THBS3: variants seen among roughly 807,000 people sequenced by gnomAD.
THBS3 encodes thrombospondin-3.
In THBS3, 78 loss-of-function variants were observed where a neutral mutation model predicts 118.3. The observed-to-expected ratio is 0.66, with a 90% CI of 0.55 to 0.80. The LOEUF is 0.80. Ranked by LOEUF, THBS3 falls within the 30% of genes least tolerant of loss-of-function variation. The probability of loss-of-function intolerance (pLI) is 0.00; values close to 1 mark genes in which losing one functional copy is unlikely to be tolerated. For missense variants in THBS3, 1,057 were observed against 1,247.4 expected (o/e 0.85, Z 2.30); for synonymous variants, 427 against 475.3 (o/e 0.90, Z 1.32).
intron 21 of THBS3, 174 bp from the exon 22 acceptor site, chr1:155,196,300 C>T: frequency 1.3e-6 from 1 of 755,042 alleles, no homozygotes; most frequent in Non-Finnish European, 2.1e-6. Flanking sequence ...GTGCTTTTCT[C>T]AGGCCTGGGG....
chr1:155,197,299 G>A lies in THBS3; in HGVS notation c.2500-86C>T. ...GGTCGGTAAGTGCAGGTGGGAAAGGGATTCAAGGCGGTCATGAAAATGCCC... is the reference window on the plus strand; with the variant it reads ...GGTCGGTAAGTGCAGGTGGGAAAGGAATTCAAGGCGGTCATGAAAATGCCC... On this transcript the variant is annotated intron_variant, in intron 20 of 22. Coordinates refer to ENST00000368378, the MANE Select transcript of THBS3 (RefSeq NM_007112.5). This position sits in a 1 kb window ranked among gnomAD's most constrained non-coding sequence, Gnocchi z 5.0. 6.4e-7 allele frequency: 1 copy of A among 1,555,140 alleles called. No homozygotes were observed. The highest frequency in any genetic ancestry group is 2.3e-5 in the East Asian group (1 of 44,272).
At chr1:155,200,412 A>G in intron 14 of THBS3, 39 bp downstream of exon 14, 1 of 1,600,934 alleles carries the variant, frequency 6.2e-7, no homozygotes, top group Non-Finnish European at 8.5e-7. Flanking sequence ...CCAAATTCTC[A>G]CAGGTCCCCC....
upstream of THBS3, chr1:155,208,879 C>T (rs1394744077): frequency 6.2e-7 from 1 of 1,611,706 alleles, no homozygotes; most frequent in Non-Finnish European, 8.5e-7. Flanking sequence ...GTACAGGCCA[C>T]GTGCAGTTTG....
intron 16 of THBS3, 125 bp downstream of exon 16, chr1:155,199,679 T>C (rs558731517): frequency 1.3e-5 from 12 of 938,260 alleles, no homozygotes; most frequent in East Asian, 2.5e-5. Flanking sequence ...CACTTGACCC[T>C]GGGAGACGGA....
chr1:155,197,305 A>G lies in THBS3; in HGVS notation c.2500-92T>C, dbSNP rs552795688. ...TAAGTGCAGGTGGGAAAGGGATTCA[A>G]GGCGGTCATGAAAATGCCCTGGGGC... is the stretch of plus-strand genomic sequence containing the variant. On this transcript the variant is annotated intron_variant, in intron 20 of 22. Coordinates refer to ENST00000368378, the MANE Select transcript of THBS3 (RefSeq NM_007112.5). The surrounding 1 kb of genome is among the most constrained non-coding windows in gnomAD (Gnocchi z 5.0). The G allele has an allele frequency of 6.4e-7, 1 of 1,551,560 alleles. No individual in the cohort carries two copies. Among genetic ancestry groups the G allele is most frequent in the African/African-American group, 1.4e-5 (1 of 73,802 alleles).
intron 21 of THBS3, 129 bp downstream of exon 21, chr1:155,196,911 GT>G (rs1191826436): frequency 2.4e-6 from 2 of 833,946 alleles, no homozygotes; most frequent in Admixed American, 2.6e-5. Context: ...GCTTGTGTCC[GT>G]GGTGAGAAGG....
intron 17 of THBS3, 84 bp from the exon 18 acceptor site, chr1:155,198,304 G>A: frequency 1.3e-6 from 2 of 1,589,120 alleles, no homozygotes; most frequent in South Asian, 2.3e-5. Flanking sequence ...CTGCATTCCT[G>A]ACATCTTTCC....
chr1:155,203,898 C>T (rs565666095), intron 4 of THBS3, among the ~76,000 whole-genome samples: 20 of 151,398 alleles, frequency 1.3e-4, no homozygotes, highest in East Asian at 3.9e-4. Flanking sequence ...AATGCAGTGG[C>T]GTGATCTCTG....
intron 4 of THBS3, among the ~76,000 whole-genome samples, chr1:155,203,765 A>T (rs2148000435): frequency 6.6e-6 from 1 of 152,280 alleles, no homozygotes; most frequent in South Asian, 2.1e-4. Flanking sequence ...TTAGAACCCA[A>T]ATCCTCCTGG....
chr1:155,202,544 C>T lies in THBS3; in HGVS notation c.958-143G>A, dbSNP rs750358175. The T allele has an allele frequency of 7.8e-7, 1 of 1,274,612 alleles. No individual in the cohort carries two copies. Among genetic ancestry groups the T allele is most frequent in the Non-Finnish European group, 1.1e-6 (1 of 944,394 alleles). 79.0% of individuals were successfully genotyped at this position (1,274,612 alleles called of 1,614,324 possible). A position where few individuals can be genotyped will look rare whatever the true frequency, so the allele number is the denominator to read the frequency against. ...TGCCTTGTGCTCCTGGTCCCCACCC[C>T]ACTTCCCTCGGGGTTCCCTCTCTCC... On this transcript the variant is annotated intron_variant, in intron 8 of 22. Coordinates refer to ENST00000368378, the MANE Select transcript of THBS3 (RefSeq NM_007112.5). This position sits in a 1 kb window ranked among gnomAD's most constrained non-coding sequence, Gnocchi z 5.5.
intron 2 of THBS3, chr1:155,205,535 T>C (rs961525381): frequency 1.7e-6 from 1 of 596,906 alleles, no homozygotes; most frequent in South Asian, 2.2e-5. Context: ...CCCAGCACTT[T>C]AGAAGGCCAA....
rs761112548 is a variant in THBS3 at position 155,205,107 on chromosome 1, C to T, written c.496G>A (p.Asp166Asn). ...ALAPIPPAEV[D>N]GLEIRTGQKA... The stretch of plus-strand genomic sequence containing the variant: ...TGTCCAGTCCTAATCTCCAGCCCAT[C>T]GACCTCCGCTGGAGGAATGGGGGCC... Residue 166 changes from aspartate to asparagine, a missense_variant, in exon 3 of 23, where the codon GAT (aspartate) becomes AAT (asparagine). Transcript: ENST00000368378. 1.7e-5 allele frequency: 28 copies of T among 1,614,126 alleles called. No individual in the cohort carries two copies. Among genetic ancestry groups the T allele is most frequent in the Middle Eastern group, 1.6e-4 (1 of 6,062 alleles).
chr1:155,201,764 A>G (rs576566489), intron 10 of THBS3, 193 bp downstream of exon 10: 1 of 1,018,150 alleles, frequency 9.8e-7, no homozygotes, highest in African/African-American at 1.6e-5. Context: ...TGAGGCTCAG[A>G]AAAGTTAAAT....
chr1:155,199,599 C>G (rs1183554268), intron 16 of THBS3, among the ~76,000 whole-genome samples: 1 of 151,972 alleles, frequency 6.6e-6, no homozygotes, highest in African/African-American at 2.4e-5. Flanking sequence ...ACTGAAAATA[C>G]AAGAATTAGC....
intron 13 of THBS3, 84 bp downstream of exon 13, chr1:155,200,813 A>C: frequency 1.2e-6 from 2 of 1,609,994 alleles, no homozygotes; most frequent in Non-Finnish European, 1.7e-6. Flanking sequence ...CTTACTAGAG[A>C]GCTGCCAGAT....
At position 155,197,012 on chromosome 1, in the gene THBS3, C is replaced by G. The variant is rs754995684; in HGVS notation, c.2672+29G>C. Reference sequence around the variant, plus strand: ...AGGAAGGACAGGCCCGGCCTGAGTCCCACAGGTGGGCTCAGCCCCTCTCCT... The same window carrying G: ...AGGAAGGACAGGCCCGGCCTGAGTCGCACAGGTGGGCTCAGCCCCTCTCCT... On this transcript the variant is annotated intron_variant, in intron 21 of 22. Transcript: ENST00000368378. The surrounding 1 kb of genome is among the most constrained non-coding windows in gnomAD (Gnocchi z 5.0). 1.2e-6 allele frequency: 2 copies of G among 1,604,626 alleles called. No individual in the cohort carries two copies. The highest frequency in any genetic ancestry group is 1.7e-6 in the Non-Finnish European group (2 of 1,172,754).
Position 155,196,210 on chromosome 1 carries a change from TC to T in THBS3, c.2673-85del, listed in dbSNP as rs1265924531. ...GCCACCATGCCTGGGGCCTTGCTTTTCCCCAGCCCCCCTTGAGCTCACCAGG... is the reference window on the plus strand; with the variant it reads ...GCCACCATGCCTGGGGCCTTGCTTTTCCCAGCCCCCCTTGAGCTCACCAGG... On this transcript the variant is annotated intron_variant, in intron 21 of 22. Transcript: ENST00000368378. 8 of 1,510,302 alleles carry T rather than the reference TC, an allele frequency of 5.3e-6. No individual in the cohort carries two copies. The African/African-American group carries it at 6.9e-5, about 13-fold the overall frequency. 93.6% of individuals were successfully genotyped at this position (1,510,302 alleles called of 1,614,324 possible). A position where few individuals can be genotyped will look rare whatever the true frequency, so the allele number is the denominator to read the frequency against.
intron 10 of THBS3, 128 bp downstream of exon 10, chr1:155,201,829 G>A: frequency 2.2e-6 from 3 of 1,377,212 alleles, no homozygotes; most frequent in South Asian, 2.5e-5. Context: ...AAGTCCATGT[G>A]AACACCTAAT....
chr1:155,196,897 A>G, intron 21 of THBS3, 144 bp downstream of exon 21: 1 of 740,134 alleles, frequency 1.4e-6, no homozygotes, highest in Non-Finnish European at 2.2e-6. Context: ...CATCACTCAT[A>G]GGTGCTTGTG....
Sources: allele counts gnomAD v4.1 joint callset (sites outside exome capture counted in the v4.1 genomes callset), GRCh38; gene constraint gnomAD v4.1.1; non-coding constraint Gnocchi (gnomAD v3.1); transcripts MANE v1.5; gene names NCBI Gene and HGNC (gene_info 2026-07-23, HGNC 2026-07-21).